RBM19: variants seen among roughly 807,000 people sequenced by gnomAD.
RBM19 encodes RNA binding motif protein 19.
RBM19 carries 94 observed loss-of-function variants against 116.8 expected under a neutral mutation model. The ratio of observed to expected loss-of-function variants is 0.80; its 90% CI spans 0.68 to 0.95. The LOEUF (loss-of-function observed/expected upper bound fraction) is 0.95, where lower values mean the gene tolerates loss of function less well. Among genes scored for constraint, RBM19 ranks in the 40% least tolerant of loss-of-function variants. RBM19 has a pLI of 0.00. For missense variants in RBM19, 1,161 were observed against 1,220.7 expected (o/e 0.95, Z 0.73); for synonymous variants, 475 against 494.1 (o/e 0.96, Z 0.51).
chr12:113,853,386 T>TGTGAAAGG (rs1329884986), intron 22 of RBM19, among the ~76,000 whole-genome samples: 2 of 152,196 alleles, frequency 1.3e-5, no homozygotes. Flanking sequence ...TTGGATAGCA[T>TGTGAAAGG]TCCATGTGAA....
Position 113,887,311 on chromosome 12 carries a change from A to G in RBM19, c.2558+27658T>C, listed in dbSNP as rs565703756. 7.2e-5 allele frequency among the ~76,000 whole-genome samples: 11 copies of G among 152,098 alleles called. No homozygotes were observed. The South Asian group carries it at 1.2e-3, about 17-fold the overall frequency. ...GAGCCTTTCTCACCCATGGCTGCCT[A>G]TCTGAATCACCTGACAGGGAGTGTT... is the stretch of plus-strand genomic sequence containing the variant. On this transcript the variant is annotated intron_variant, in intron 21 of 23. Coordinates refer to ENST00000261741, the MANE Select transcript of RBM19 (RefSeq NM_016196.4).
In RBM19 at chr12:113,898,316, C is replaced by T. The variant is rs773425199; in HGVS notation, c.2558+16653G>A. Among the ~76,000 whole-genome samples, 6 of 151,966 alleles carry T rather than the reference C, an allele frequency of 3.9e-5. No individual in the cohort carries two copies. Among genetic ancestry groups the T allele is most frequent in the African/African-American group, 1.2e-4 (5 of 41,372 alleles). ...ACATACATGTGTATCATGATAGAACCGTGAAGAGATTTCAGTGCCTGTACT... is the reference window on the plus strand; with the variant it reads ...ACATACATGTGTATCATGATAGAACTGTGAAGAGATTTCAGTGCCTGTACT... On this transcript the variant is annotated intron_variant, in intron 21 of 23. Transcript: ENST00000261741. This position sits in a 1 kb window ranked among gnomAD's most constrained non-coding sequence, Gnocchi z 4.3.
intron 22 of RBM19, among the ~76,000 whole-genome samples, chr12:113,853,314 C>T (rs756557636): frequency 1.7e-4 from 26 of 152,212 alleles, no homozygotes; most frequent in Non-Finnish European, 2.8e-4. Context: ...CAACCACCAT[C>T]GCGTCTCCCT....
chr12:113,907,550 G>A (rs1882150015), intron 21 of RBM19, among the ~76,000 whole-genome samples: 1 of 152,222 alleles, frequency 6.6e-6, no homozygotes, highest in South Asian at 2.1e-4. Flanking sequence ...TAGGAAAACA[G>A]GGCAGAGTGG....
intron 22 of RBM19, 143 bp downstream of exon 22, chr12:113,858,648 C>A: frequency 2.8e-6 from 2 of 709,664 alleles, no homozygotes; most frequent in South Asian, 3.6e-5. Flanking sequence ...GGATGTTGTA[C>A]ACATTAAGCA....
At chr12:113,948,783 C>T (rs371767195) in intron 10 of RBM19, 50 bp downstream of exon 10, 283 of 1,587,534 alleles carry the variant, frequency 1.8e-4, no homozygotes, top group Admixed American at 4.6e-4. Context: ...AGTGAGAGCC[C>T]GGCTCCCATA....
chr12:113,885,086 G>A (rs1010865823), intron 21 of RBM19, among the ~76,000 whole-genome samples: 1 of 152,192 alleles, frequency 6.6e-6, no homozygotes, highest in African/African-American at 2.4e-5. Context: ...ATCTTCAGTG[G>A]AAGCTAAAAC....
chr12:113,942,611 T>TTC (rs1870676598), intron 13 of RBM19, among the ~76,000 whole-genome samples, 177 bp from the exon 14 acceptor site: 1 of 151,094 alleles, frequency 6.6e-6, no homozygotes, highest in African/African-American at 2.4e-5. Flanking sequence ...TTTTTTTTTT[T>TTC]TTTAAGAAGG....
rs137968603 is a variant in RBM19 at position 113,957,107 on chromosome 12, G to A, written c.840+675C>T. ...TGACCGGGGCTGCTCCAGTTTGCCCGGGATAGTTGTTCACTCTATCTGTAG... is the reference window on the plus strand; with the variant it reads ...TGACCGGGGCTGCTCCAGTTTGCCCAGGATAGTTGTTCACTCTATCTGTAG... On this transcript the variant is annotated intron_variant, in intron 6 of 23. Coordinates refer to ENST00000261741, the MANE Select transcript of RBM19 (RefSeq NM_016196.4). Among the ~76,000 whole-genome samples, 8 of 152,284 alleles carry A rather than the reference G, an allele frequency of 5.3e-5. No individual in the cohort carries two copies. In the East Asian group the frequency reaches 5.8e-4, roughly 11 times the overall value.
rs1555242499 is a variant in RBM19 at position 113,928,661 on chromosome 12, G to GTGTGTGTGTGTGTGTGTC, written c.2069-1433_2069-1432insGACACACACACACACACA. ...TGTGTGTGTGTGTGTGTGTGTGTGT[G>GTGTGTGTGTGTGTGTGTC]TCTGCAGCTCAGGGAGTTGGGAACA... is the stretch of plus-strand genomic sequence containing the variant. On this transcript the variant is annotated intron_variant, in intron 16 of 23. Transcript: ENST00000261741. Among the ~76,000 whole-genome samples the GTGTGTGTGTGTGTGTGTC allele has an allele frequency of 5.4e-4, 81 of 149,510 alleles. 2 individuals carry two copies. In the East Asian group the frequency reaches 9.3e-3, roughly 17 times the overall value.
Position 113,825,286 on chromosome 12 carries a change from T to C in RBM19, c.2786-1965A>G, listed in dbSNP as rs1874759569. On this transcript the variant is annotated intron_variant, in intron 23 of 23. Transcript: ENST00000261741. This position sits in a 1 kb window ranked among gnomAD's most constrained non-coding sequence, Gnocchi z 5.7. ...CTGCCACCTGAGAGCCTCAAGGCCTTGCAGCTCTACCCATCATTGTTAATC... is the reference window on the plus strand; with the variant it reads ...CTGCCACCTGAGAGCCTCAAGGCCTCGCAGCTCTACCCATCATTGTTAATC... 6.8e-6 allele frequency among the ~76,000 whole-genome samples: 1 copy of C among 146,498 alleles called. No individual in the cohort carries two copies. The highest frequency in any genetic ancestry group is 1.5e-5 in the Non-Finnish European group (1 of 66,562).
Position 113,959,883 on chromosome 12 carries a change from C to T in RBM19, c.360G>A (p.Val120=). 3.1e-6 allele frequency: 5 copies of T among 1,614,176 alleles called. No homozygotes were observed. Among genetic ancestry groups the T allele is most frequent in the Non-Finnish European group, 4.2e-6 (5 of 1,180,032 alleles). ...EIKKDEKKKK[V]AGQLEKLKED... ...GACTCACCTTCTCCAGTTGACCTGC[C>T]ACCTTTTTCTTCTTCTCATCCTGAA... is the stretch of plus-strand genomic sequence containing the variant. Residue 120 remains valine (V), a synonymous_variant, in exon 4 of 24, where the codon GTG becomes GTA. Coordinates refer to ENST00000261741, the MANE Select transcript of RBM19 (RefSeq NM_016196.4).
At chr12:113,926,698 C>T (rs1050658445) in intron 17 of RBM19, among the ~76,000 whole-genome samples, 109 of 152,344 alleles carry the variant, frequency 7.2e-4, no homozygotes, top group African/African-American at 2.4e-3. Context: ...TGTGGCTTCT[C>T]CATTATTCCC....
At chr12:113,904,322 G>A (rs765987364) in intron 21 of RBM19, among the ~76,000 whole-genome samples, 3 of 151,924 alleles carry the variant, frequency 2.0e-5, no homozygotes, top group Non-Finnish European at 2.9e-5. Context: ...GCACATGAAA[G>A]AGTTAAAAAA....
Position 113,966,178 on chromosome 12 carries a change from G to A in RBM19, c.36+14C>T, listed in dbSNP as rs368769016. On this transcript the variant is annotated intron_variant, in intron 1 of 23. Transcript: ENST00000261741. Reference sequence around the variant, plus strand: ...GTCTCATTTCAGATTCCCAAGTCCTGCCTCTGCACTCACCCCATTCGGGAG... The same window carrying A: ...GTCTCATTTCAGATTCCCAAGTCCTACCTCTGCACTCACCCCATTCGGGAG... The A allele has an allele frequency of 6.2e-6, 10 of 1,614,040 alleles. No homozygotes were observed. Among genetic ancestry groups the A allele is most frequent in the Non-Finnish European group, 8.5e-6 (10 of 1,180,028 alleles).
intron 2 of RBM19, among the ~76,000 whole-genome samples, chr12:113,960,399 T>C (rs1359153434): frequency 6.6e-6 from 1 of 152,234 alleles, no homozygotes; most frequent in Non-Finnish European, 1.5e-5. Context: ...AATACTGTAA[T>C]GGTAATAGCT....
rs1433950820 is a variant in RBM19 at position 113,958,020 on chromosome 12, A to G, written c.602T>C (p.Val201Ala). Residue 201 changes from valine (V) to alanine (A), a missense_variant, in exon 6 of 24, where the codon GTG becomes GCG. Val to Ala is a moderately conservative substitution (Grantham distance 64). Transcript: ENST00000261741. Reference sequence around the variant, plus strand: ...ATCCATGTCCGACAGCTCCTTCTGCACAGCTGCCTTTGGTTCGAGGCTTGC... The same window carrying G: ...ATCCATGTCCGACAGCTCCTTCTGCGCAGCTGCCTTTGGTTCGAGGCTTGC... ...EEASLEPKAA[V>A]QKELSDMDYL... 6.2e-7 allele frequency: 1 copy of G among 1,613,520 alleles called. No homozygotes were observed. The highest frequency in any genetic ancestry group is 1.1e-5 in the South Asian group (1 of 91,008).
At chr12:113,916,490 G>A (rs1405466844) in intron 20 of RBM19, among the ~76,000 whole-genome samples, 4 of 152,164 alleles carry the variant, frequency 2.6e-5, no homozygotes, top group African/African-American at 9.7e-5. Flanking sequence ...AGTGATTCCT[G>A]GCTCTTGGTG....
chr12:113,945,752 G>C (rs1181078134), intron 13 of RBM19, 76 bp downstream of exon 13: 1 of 1,274,096 alleles, frequency 7.8e-7, no homozygotes, highest in African/African-American at 1.5e-5. Context: ...GCCAACAGCA[G>C]TACAACGAGC....
Sources: allele counts gnomAD v4.1 joint callset (sites outside exome capture counted in the v4.1 genomes callset), GRCh38; gene constraint gnomAD v4.1.1; non-coding constraint Gnocchi (gnomAD v3.1); transcripts MANE v1.5; gene names NCBI Gene and HGNC (gene_info 2026-07-23, HGNC 2026-07-21).